RYR1: variants seen among roughly 807,000 people sequenced by gnomAD.
RYR1 encodes ryanodine receptor 1.
Under a neutral mutation model 583.5 loss-of-function variants are expected in RYR1, and 342 were observed. The observed-to-expected ratio is 0.59, with a 90% CI of 0.54 to 0.64. The LOEUF is 0.64. Ranked by LOEUF, RYR1 falls within the 30% of genes least tolerant of loss-of-function variation. RYR1 has a pLI of 0.00. For missense variants in RYR1, 6,032 were observed against 6,917.2 expected (o/e 0.87, Z 4.54); for synonymous variants, 2,791 against 2,822.5 (o/e 0.99, Z 0.35).
chr19:38,537,517 G>A (rs1250830759), intron 83 of RYR1, among the ~76,000 whole-genome samples: 1 of 152,108 alleles, frequency 6.6e-6, no homozygotes, highest in Non-Finnish European at 1.5e-5. Context: ...AACCTCCACG[G>A]TCTGAAGGGG....
At chr19:38,555,468 CATGTGTGTGTGCGCACGTGTGTGTGT>C (rs1972840043) in intron 89 of RYR1, among the ~76,000 whole-genome samples, 3 of 147,832 alleles carry the variant, frequency 2.0e-5, no homozygotes, top group South Asian at 4.3e-4. Flanking sequence ...AAAAAAAATG[CATGTGTGTGTGCGCACGTGTGTGTGT>C]ATGTGTGTGT....
In RYR1 at chr19:38,494,473, T is replaced by A. The variant is rs181419618; in HGVS notation, c.6396T>A (p.Gly2132=). The A allele has an allele frequency of 1.1e-5, 18 of 1,612,374 alleles. No individual in the cohort carries two copies. The East Asian group carries it at 4.0e-4, about 36-fold the overall frequency. Residue 2132 remains glycine (G), a synonymous_variant, in exon 39 of 106, where the codon GGT becomes GGA. Transcript: ENST00000359596. ...TGCACCGGCAGTACGACGGGCTGGG[T>A]GAGCTGCTGCGTGCCCTGCCGCGGG... ...SLLHRQYDGL[G]ELLRALPRAY...
rs1196535736 is a variant in RYR1, at chr19:38,561,684, C to A, written c.12624+230C>A. 6.6e-6 allele frequency among the ~76,000 whole-genome samples: 1 copy of A among 152,088 alleles called. No homozygotes were observed. Among genetic ancestry groups the A allele is most frequent in the Non-Finnish European group, 1.5e-5 (1 of 67,940 alleles). ...GACCTGGCCCACACAAGGATGCACA[C>A]CCCTTGGGCATGAAGCAGGGTCAGT... On this transcript the variant is annotated intron_variant, in intron 90 of 105. Coordinates refer to ENST00000359596, the MANE Select transcript of RYR1 (RefSeq NM_000540.3). The surrounding 1 kb of genome is among the most constrained non-coding windows in gnomAD (Gnocchi z 4.8).
chr19:38,572,284 C>T lies in RYR1; in HGVS notation c.13998+14C>T, dbSNP rs762834073. 4 of 1,240,868 alleles carry T rather than the reference C, an allele frequency of 3.2e-6. No individual in the cohort carries two copies. The highest frequency in any genetic ancestry group is 4.3e-6 in the Non-Finnish European group (4 of 930,972). 76.9% of individuals were successfully genotyped at this position (1,240,868 alleles called of 1,614,324 possible). ...AATTGTCTCAAGGTGGGCCCATGGC[C>T]ATGGTTCTGGGGCAAGGGCTTATTG... On this transcript the variant is annotated intron_variant, in intron 95 of 105. Transcript: ENST00000359596.
Position 38,570,599 on chromosome 19 carries a change from T to C in RYR1, c.13660-8T>C. 1 of 1,611,348 alleles carries C rather than the reference T, an allele frequency of 6.2e-7. No homozygotes were observed. The highest frequency in any genetic ancestry group is 1.1e-5 in the South Asian group (1 of 91,012). ...GAGCGCTTTCTCTCTTTTTCTCTTCTCTCTCAGAACTACCTGTCCCGGAAC... is the reference window on the plus strand; with the variant it reads ...GAGCGCTTTCTCTCTTTTTCTCTTCCCTCTCAGAACTACCTGTCCCGGAAC... On this transcript the variant is annotated splice_polypyrimidine_tract_variant and splice_region_variant and intron_variant, in intron 93 of 105. Transcript: ENST00000359596.
Position 38,457,492 on chromosome 19 carries a change from T to C in RYR1, c.1792-5T>C. On this transcript the variant is annotated splice_region_variant and splice_polypyrimidine_tract_variant and intron_variant, in intron 16 of 105. Coordinates refer to ENST00000359596, the MANE Select transcript of RYR1 (RefSeq NM_000540.3). ...CACCCTTTAACCTCTGACCTTGACC[T>C]CTAGGTCCTGGACGTGCTATGCTCC... 6.2e-7 allele frequency: 1 copy of C among 1,614,142 alleles called. No individual in the cohort carries two copies. The highest frequency in any genetic ancestry group is 8.5e-7 in the Non-Finnish European group (1 of 1,180,030).
chr19:38,511,918 C>T lies in RYR1; in HGVS notation c.9173-154C>T, dbSNP rs13313718. 6.5e-3 allele frequency among the ~76,000 whole-genome samples: 989 copies of T among 151,118 alleles called. 10 individuals carry two copies. The highest frequency in any genetic ancestry group is 0.023 in the African/African-American group (929 of 41,062). On this transcript the variant is annotated intron_variant, in intron 61 of 105. Transcript: ENST00000359596. ...GCTGGGGAGGAGGGACATTTGGAGG[C>T]GCTGTAGGAGTCTGGGGGGGTGGGG...
chr19:38,489,126 A>G (rs1377511602), intron 34 of RYR1, 51 bp from the exon 35 acceptor site: 3 of 1,540,216 alleles, frequency 1.9e-6, no homozygotes, highest in Non-Finnish European at 2.7e-6. Context: ...CCAGGGCCTG[A>G]TGATGGAGGC....
chr19:38,576,044 G>GGCA, intron 97 of RYR1, 83 bp downstream of exon 97: 1 of 1,522,524 alleles, frequency 6.6e-7, no homozygotes, highest in Non-Finnish European at 9.1e-7. Flanking sequence ...GCACTTGCTT[G>GGCA]GTGTGTGACC....
At chr19:38,563,511 C>A (rs568956248) in intron 90 of RYR1, among the ~76,000 whole-genome samples, 1 of 152,200 alleles carries the variant, frequency 6.6e-6, no homozygotes, top group Non-Finnish European at 1.5e-5. Context: ...GTGATCCGCC[C>A]GCCTCGGCCT....
At chr19:38,544,126 C>T (rs1972325243) in intron 87 of RYR1, among the ~76,000 whole-genome samples, 1 of 152,202 alleles carries the variant, frequency 6.6e-6, no homozygotes, top group Non-Finnish European at 1.5e-5. Flanking sequence ...GACGTGTTGG[C>T]CCCGTCCCAA....
chr19:38,490,574 T>C, intron 36 of RYR1, 47 bp from the exon 37 acceptor site: 1 of 1,223,998 alleles, frequency 8.2e-7, no homozygotes. Flanking sequence ...TCAGAGTTCC[T>C]GCTTTGGGAT....
At chr19:38,573,503 A>G (rs1973821311) in intron 96 of RYR1, among the ~76,000 whole-genome samples, 196 bp downstream of exon 96, 1 of 152,030 alleles carries the variant, frequency 6.6e-6, no homozygotes. Flanking sequence ...AACATGGTGA[A>G]ATCCCGTCTC....
chr19:38,575,446 C>G (rs2145880495), intron 96 of RYR1, among the ~76,000 whole-genome samples: 1 of 152,080 alleles, frequency 6.6e-6, no homozygotes, highest in East Asian at 1.9e-4. Flanking sequence ...GGGGGATCAC[C>G]TGAGGTCAGA....
Position 38,490,204 on chromosome 19 carries a change from A to G in RYR1, c.5943A>G (p.Ile1981Met), listed in dbSNP as rs1180977676. The change falls in exon 36 of 106, where the codon ATA becomes ATG. Residue 1981 changes from isoleucine to methionine, a missense_variant. By Grantham distance (10) the Ile-to-Met change is conservative. Transcript: ENST00000359596. ...ANQRSRYGLLIKAFSMTAAET... is the reference protein window; with the variant it reads ...ANQRSRYGLLMKAFSMTAAET... ...AGCGGAGCCGCTATGGCCTCCTCAT[A>G]AAAGCCTTCAGCATGACCGCAGCAG... The G allele has an allele frequency of 4.3e-6, 7 of 1,614,078 alleles. No individual in the cohort carries two copies. Among genetic ancestry groups the G allele is most frequent in the Non-Finnish European group, 5.9e-6 (7 of 1,180,050 alleles).
intron 36 of RYR1, 140 bp downstream of exon 36, chr19:38,490,416 C>T: frequency 1.1e-6 from 1 of 916,844 alleles, no homozygotes; most frequent in Non-Finnish European, 1.7e-6. Context: ...CTCCTACTCT[C>T]TGAATCAACC....
chr19:38,491,946 T>C (rs1969571062), intron 37 of RYR1, among the ~76,000 whole-genome samples: 1 of 152,242 alleles, frequency 6.6e-6, no homozygotes, highest in Non-Finnish European at 1.5e-5. Context: ...GTCACTATTA[T>C]GATATTTCCT....
At chr19:38,548,813 C>G (rs964576244) in intron 89 of RYR1, among the ~76,000 whole-genome samples, 1 of 152,192 alleles carries the variant, frequency 6.6e-6, no homozygotes, top group Non-Finnish European at 1.5e-5. Flanking sequence ...AACTCTTGGG[C>G]TCCAACAATT....
At chr19:38,437,605 G>A (rs774407986) in intron 1 of RYR1, among the ~76,000 whole-genome samples, 4 of 151,968 alleles carry the variant, frequency 2.6e-5, no homozygotes, top group Non-Finnish European at 5.9e-5. Context: ...GCTTGAGGCC[G>A]GGAGTTCAAA....
Sources: gnomAD v4.1 joint callset for allele counts (sites outside exome capture counted in the v4.1 genomes callset) on GRCh38, gnomAD v4.1.1 for gene constraint, Gnocchi (gnomAD v3.1) non-coding constraint, MANE v1.5 for transcripts, NCBI Gene and HGNC (gene_info 2026-07-23, HGNC 2026-07-21) for gene names.